RANBP2: variants seen among roughly 807,000 people sequenced by gnomAD.
The protein encoded by RANBP2 is RAN binding protein 2.
In RANBP2, 57 loss-of-function variants were observed where a neutral mutation model predicts 303.6. That is an observed-to-expected ratio of 0.19 (90% CI 0.15 to 0.23). RANBP2 has a LOEUF of 0.23. Among genes scored for constraint, RANBP2 ranks in the 10% least tolerant of loss-of-function variants. The pLI is 1.00. For synonymous variants in RANBP2, 1,167 were observed against 1,301.5 expected (o/e 0.90, Z 2.23); for missense variants, 3,138 against 3,780.8 (o/e 0.83, Z 4.46).
the RANBP2 span, among the ~76,000 whole-genome samples, chr2:109,198,417 C>T: frequency 6.6e-6 from 1 of 152,186 alleles, no homozygotes; most frequent in Admixed American, 6.5e-5. Context: ...TAGAGGGGCA[C>T]AGTGGGCTAC....
At chr2:109,557,718 G>A in the RANBP2 span, among the ~76,000 whole-genome samples, 1 of 152,100 alleles carries the variant, frequency 6.6e-6, no homozygotes, top group Non-Finnish European at 1.5e-5. Flanking sequence ...AAAGAGAATG[G>A]TCTATAAAGT....
chr2:109,616,261 C>CGG, the RANBP2 span: 1 of 836,372 alleles, frequency 1.2e-6, no homozygotes. Context: ...ATTCATCATA[C>CGG]CTTGACCTGT....
the RANBP2 span, among the ~76,000 whole-genome samples, chr2:109,709,373 A>T: frequency 6.6e-6 from 1 of 151,770 alleles, no homozygotes. Context: ...AAAATAATAA[A>T]AATAACAAAA....
the RANBP2 span, among the ~76,000 whole-genome samples, chr2:109,566,824 G>A: frequency 1.3e-5 from 2 of 152,138 alleles, no homozygotes; most frequent in Admixed American, 1.3e-4. Context: ...TGGTCTGTCT[G>A]AAGTTGAGGA....
At chr2:109,433,452 A>C in the RANBP2 span, among the ~76,000 whole-genome samples, 1 of 152,198 alleles carries the variant, frequency 6.6e-6, no homozygotes, top group Non-Finnish European at 1.5e-5. Context: ...TGAGATGAGG[A>C]TCCACAGCTT....
the RANBP2 span, among the ~76,000 whole-genome samples, chr2:109,134,675 T>G: frequency 6.6e-6 from 1 of 152,086 alleles, no homozygotes; most frequent in Non-Finnish European, 1.5e-5. Context: ...AATGAGGGTG[T>G]TTTTTGGAAG....
At chr2:108,773,316 C>T (rs1365674062) in intron 23 of RANBP2, among the ~76,000 whole-genome samples, 1 of 151,882 alleles carries the variant, frequency 6.6e-6, no homozygotes, top group Non-Finnish European at 1.5e-5. Context: ...CGGGATTTCG[C>T]CATGTTGGGC....
At chr2:109,593,409 C>CTTTTTTT in the RANBP2 span, among the ~76,000 whole-genome samples, 23,950 of 133,152 alleles carry the variant, frequency 0.18, 3,165 homozygotes, top group Non-Finnish European at 0.26. Context: ...AGAGAAAGAA[C>CTTTTTTT]TTTTTTTTTT....
the RANBP2 span, among the ~76,000 whole-genome samples, chr2:109,157,523 T>C: frequency 6.6e-6 from 1 of 152,206 alleles, no homozygotes; most frequent in Non-Finnish European, 1.5e-5. Flanking sequence ...TTAGAGATAA[T>C]CTCATTGGGT....
At chr2:108,981,659 A>C in the RANBP2 span, among the ~76,000 whole-genome samples, 1 of 152,124 alleles carries the variant, frequency 6.6e-6, no homozygotes, top group Admixed American at 6.5e-5. Flanking sequence ...CCCACACCCG[A>C]GATAGTTATG....
At chr2:109,004,510 G>A in the RANBP2 span, among the ~76,000 whole-genome samples, 14 of 152,292 alleles carry the variant, frequency 9.2e-5, no homozygotes, top group East Asian at 1.9e-4. Context: ...ATTTAGGTTC[G>A]GAAAGCGCTG....
the RANBP2 span, among the ~76,000 whole-genome samples, chr2:109,473,360 C>T: frequency 3.4e-4 from 51 of 152,124 alleles, no homozygotes; most frequent in East Asian, 1.9e-4. Context: ...AAGTTGACAT[C>T]GTGTTCAGAA....
the RANBP2 span, among the ~76,000 whole-genome samples, chr2:109,673,367 GC>G: frequency 6.6e-6 from 1 of 152,160 alleles, no homozygotes; most frequent in South Asian, 2.1e-4. Context: ...ATTTCTGACA[GC>G]CTGGGATGCT....
At chr2:108,798,739 A>T in the RANBP2 span, among the ~76,000 whole-genome samples, 15 of 101,778 alleles carry the variant, frequency 1.5e-4, no homozygotes, top group Admixed American at 1.1e-3. Flanking sequence ...ACACACACAC[A>T]CTTTTTCTGA....
the RANBP2 span, among the ~76,000 whole-genome samples, chr2:109,663,976 AG>A: frequency 2.0e-5 from 3 of 152,210 alleles, no homozygotes; most frequent in African/African-American, 7.2e-5. Flanking sequence ...ACATGGACTC[AG>A]GGCTGGAGGC....
intron 4 of RANBP2, among the ~76,000 whole-genome samples, 168 bp from the exon 5 acceptor site, chr2:108,735,364 C>G (rs1695487261): frequency 6.6e-6 from 1 of 152,116 alleles, no homozygotes; most frequent in Non-Finnish European, 1.5e-5. Flanking sequence ...GGCTTAGTTT[C>G]TGGGTTGTAA....
the RANBP2 span, among the ~76,000 whole-genome samples, chr2:109,305,051 G>A: frequency 2.0e-5 from 3 of 152,158 alleles, no homozygotes; most frequent in Non-Finnish European, 4.4e-5. Context: ...GGTTTGTTGC[G>A]GTTCCCCGTC....
the RANBP2 span, among the ~76,000 whole-genome samples, chr2:109,386,756 C>T: frequency 6.6e-6 from 1 of 152,204 alleles, no homozygotes; most frequent in Non-Finnish European, 1.5e-5. Flanking sequence ...CAAAACTGCC[C>T]AAGGAAGAGG....
the RANBP2 span, among the ~76,000 whole-genome samples, chr2:109,401,770 C>T: frequency 3.3e-5 from 5 of 152,196 alleles, no homozygotes; most frequent in African/African-American, 1.2e-4. Flanking sequence ...TCTCATGTTG[C>T]CATGGCCTCC....
Sources: gnomAD v4.1 joint callset for allele counts (sites outside exome capture counted in the v4.1 genomes callset) on GRCh38, gnomAD v4.1.1 for gene constraint, MANE v1.5 for transcripts, NCBI Gene and HGNC (gene_info 2026-07-23, HGNC 2026-07-21) for gene names.